The following PCDH11X variants were observed in gnomAD, a reference collection of about 807,000 sequenced individuals.
PCDH11X encodes the protein protocadherin-11 X-linked.
In PCDH11X, 18 loss-of-function variants were observed where a neutral mutation model predicts 53.3. That is an observed-to-expected ratio of 0.34 (90% confidence interval 0.23 to 0.50). The LOEUF is 0.50. Among genes scored for constraint, PCDH11X ranks in the 20% least tolerant of loss-of-function variants. PCDH11X has a pLI of 0.98. For synonymous variants in PCDH11X, 279 were observed against 393.3 expected (o/e 0.71, Z 3.44); for missense variants, 570 against 1,032.4 (o/e 0.55, Z 6.14).
intron 10 of PCDH11X, among the ~76,000 whole-genome samples, chrX:92,542,234 C>A (rs1416637329): frequency 9.0e-6 from 1 of 111,384 alleles, no homozygotes; most frequent in African/African-American, 3.3e-5. Context: ...AGTATTTTGG[C>A]ATTGCAGAGA....
chrX:92,586,563 C>A (rs1924403871), intron 10 of PCDH11X, among the ~76,000 whole-genome samples: 1 of 104,936 alleles, frequency 9.5e-6, no homozygotes, highest in Non-Finnish European at 2.0e-5. Flanking sequence ...AGAAAGTCCC[C>A]ACACTCACCA....
intron 6 of PCDH11X, among the ~76,000 whole-genome samples, chrX:92,019,373 C>T (rs2062848093): frequency 9.1e-6 from 1 of 109,707 alleles, no homozygotes; most frequent in African/African-American, 3.3e-5. Context: ...ACCTGATAGA[C>T]ATCTACAGAA....
intron 6 of PCDH11X, among the ~76,000 whole-genome samples, chrX:92,118,835 G>A (rs12849833): frequency 2.0e-3 from 182 of 92,169 alleles, no homozygotes; most frequent in Non-Finnish European, 3.0e-3. Context: ...TCCGCCTCCC[G>A]GGTTCACGCC....
chrX:92,392,788 C>A (rs2071159191), intron 9 of PCDH11X, among the ~76,000 whole-genome samples: 1 of 108,119 alleles, frequency 9.2e-6, no homozygotes, highest in Admixed American at 1.0e-4. Flanking sequence ...AAAATAAAGC[C>A]ATGGAAATAT....
chrX:91,793,607 A>C (rs1935633691), intron 1 of PCDH11X, among the ~76,000 whole-genome samples: 2 of 111,895 alleles, frequency 1.8e-5, no homozygotes, highest in African/African-American at 6.5e-5. Flanking sequence ...TCTATTTTCA[A>C]ATAATTTCGG....
chrX:92,275,762 C>T (rs1022680608), intron 8 of PCDH11X, among the ~76,000 whole-genome samples: 8 of 111,259 alleles, frequency 7.2e-5, no homozygotes, highest in Admixed American at 1.9e-4. Flanking sequence ...CTGTAGCAGG[C>T]GAGTGATAAC....
intron 8 of PCDH11X, among the ~76,000 whole-genome samples, chrX:92,281,412 G>T (rs1175312701): frequency 4.5e-5 from 5 of 111,734 alleles, no homozygotes; most frequent in African/African-American, 9.8e-5. Context: ...GGGAAAAATT[G>T]CCAGTTAAAA....
chrX:92,509,669 A>G (rs1457225447), intron 10 of PCDH11X, among the ~76,000 whole-genome samples: 1 of 111,553 alleles, frequency 9.0e-6, no homozygotes, highest in East Asian at 2.8e-4. Context: ...AACATGACAT[A>G]TGTGGGGAAA....
At chrX:92,183,719 T>C (rs1217937708) in intron 6 of PCDH11X, among the ~76,000 whole-genome samples, 1 of 112,421 alleles carries the variant, frequency 8.9e-6, no homozygotes. Context: ...GATCATTCTG[T>C]TCCTGCCACG....
chrX:92,302,061 C>G (rs2755296), intron 8 of PCDH11X, among the ~76,000 whole-genome samples: 1 of 111,313 alleles, frequency 9.0e-6, no homozygotes, highest in African/African-American at 3.3e-5. Flanking sequence ...TAGTATTCTT[C>G]GTTGTATCTT....
At chrX:91,850,589 T>C (rs1047020128) in intron 5 of PCDH11X, among the ~76,000 whole-genome samples, 8 of 112,066 alleles carry the variant, frequency 7.1e-5, no homozygotes, top group South Asian at 3.7e-4. Flanking sequence ...TAGCAACTTA[T>C]CAATGTTACA....
intron 7 of PCDH11X, among the ~76,000 whole-genome samples, chrX:92,256,153 T>C (rs1191533615): frequency 8.9e-6 from 1 of 111,986 alleles, no homozygotes; most frequent in Non-Finnish European, 1.9e-5. Flanking sequence ...TTTTTTAAGC[T>C]CGTCGGAAAA....
chrX:92,014,062 A>G (rs1444221035), intron 6 of PCDH11X, among the ~76,000 whole-genome samples: 1 of 111,970 alleles, frequency 8.9e-6, no homozygotes, highest in Non-Finnish European at 1.9e-5. Context: ...GAACTTCTGC[A>G]CAGCAAAAGA....
chrX:91,850,879 CCTT>C lies in PCDH11X; in HGVS notation c.540+14838_540+14840del, dbSNP rs751067351. Reference sequence around the variant, plus strand: ...ATTAAAAAGATTTAAACTAAAAACTCCTTCTGCTAACTGTATACTGTTGAAGCA... The same window carrying C: ...ATTAAAAAGATTTAAACTAAAAACTCCTGCTAACTGTATACTGTTGAAGCA... On this transcript the variant is annotated intron_variant, in intron 5 of 10. Coordinates refer to ENST00000682573, the MANE Select transcript of PCDH11X (RefSeq NM_032968.5). Among the ~76,000 whole-genome samples, 456 of 110,922 alleles carry C rather than the reference CCTT, an allele frequency of 4.1e-3. 3 individuals are homozygous for C. Among genetic ancestry groups the C allele is most frequent in the African/African-American group, 0.014 (444 of 30,623 alleles).
intron 10 of PCDH11X, among the ~76,000 whole-genome samples, chrX:92,594,583 C>CT (rs1389507457): frequency 1.9e-5 from 2 of 107,738 alleles, no homozygotes; most frequent in African/African-American, 3.4e-5. Flanking sequence ...TGTTTTGAGA[C>CT]TTTTTTCAGC....
At chrX:92,514,110 C>T (rs1485526893) in intron 10 of PCDH11X, among the ~76,000 whole-genome samples, 2 of 111,811 alleles carry the variant, frequency 1.8e-5, no homozygotes, top group East Asian at 5.6e-4. Context: ...TTTATCCGCT[C>T]ATCAGTTTGC....
intron 6 of PCDH11X, among the ~76,000 whole-genome samples, chrX:91,961,903 G>A (rs1454213923): frequency 1.8e-5 from 2 of 110,897 alleles, no homozygotes; most frequent in South Asian, 3.9e-4. Flanking sequence ...AGGGGGAAAA[G>A]CCCTTATAAA....
At chrX:92,201,874 G>T (rs1168809152) in intron 7 of PCDH11X, among the ~76,000 whole-genome samples, 1 of 111,565 alleles carries the variant, frequency 9.0e-6, no homozygotes, top group Admixed American at 9.6e-5. Flanking sequence ...AACAAATCTG[G>T]GGGATAATGT....
chrX:92,213,383 G>A lies in PCDH11X; in HGVS notation c.3114+11928G>A, dbSNP rs1485200255. 2.7e-5 allele frequency among the ~76,000 whole-genome samples: 3 copies of A among 111,388 alleles called. 1 individual carries two copies. Among genetic ancestry groups the A allele is most frequent in the Non-Finnish European group, 5.6e-5 (3 of 53,101 alleles). On this transcript the variant is annotated intron_variant, in intron 7 of 10. Transcript: ENST00000682573. ...CTTATAGCAGCTTTATTGATGTATA[G>A]CCATTAATGCCTCAGTTGAGGAAAC...
Sources: gnomAD v4.1 joint callset for allele counts (sites outside exome capture counted in the v4.1 genomes callset) on GRCh38, gnomAD v4.1.1 for gene constraint, MANE v1.5 for transcripts, NCBI Gene and HGNC (gene_info 2026-07-23, HGNC 2026-07-21) for gene names.